The following DLGAP1 variants were observed in gnomAD, a reference collection of about 807,000 sequenced individuals.
DLGAP1 encodes the protein disks large-associated protein 1.
A neutral mutation model predicts 90.8 loss-of-function variants in DLGAP1; 11 were observed. That is an observed-to-expected ratio of 0.12 (90% CI 0.08 to 0.20). The LOEUF (loss-of-function observed/expected upper bound fraction) is 0.20, where lower values mean the gene tolerates loss of function less well. DLGAP1 is among the 10% of genes least tolerant of loss of function. The pLI, the probability that DLGAP1 is intolerant of heterozygous loss-of-function variation, is 1.00. For synonymous variants in DLGAP1, 558 were observed against 540.7 expected (o/e 1.03, Z -0.44); for missense variants, 1,050 against 1,333.8 (o/e 0.79, Z 3.31).
chr18:3,820,377 T>G (rs2067342640), intron 4 of DLGAP1, among the ~76,000 whole-genome samples: 1 of 152,140 alleles, frequency 6.6e-6, no homozygotes, highest in Admixed American at 6.5e-5. Context: ...TAAAGCAAAG[T>G]TCTATTTCAT....
At chr18:4,151,025 A>G (rs555851558) in intron 2 of DLGAP1, among the ~76,000 whole-genome samples, 155 bp downstream of exon 2, 2 of 152,354 alleles carry the variant, frequency 1.3e-5, no homozygotes, top group Admixed American at 1.3e-4. Flanking sequence ...TAAATTCAAC[A>G]GACTGTTAAT....
intron 1 of DLGAP1, among the ~76,000 whole-genome samples, chr18:4,194,999 C>T (rs2077470197): frequency 6.6e-6 from 1 of 152,080 alleles, no homozygotes; most frequent in South Asian, 2.1e-4. Flanking sequence ...TATGGTCACC[C>T]TGATGTGAAA....
intron 5 of DLGAP1, among the ~76,000 whole-genome samples, chr18:3,791,899 G>A (rs751882641): frequency 4.6e-5 from 7 of 152,060 alleles, no homozygotes; most frequent in Admixed American, 1.3e-4. Context: ...GCAACAGAGC[G>A]AGATTCTGCA....
At chr18:4,136,928 T>G (rs1024434442) in intron 2 of DLGAP1, among the ~76,000 whole-genome samples, 1 of 152,132 alleles carries the variant, frequency 6.6e-6, no homozygotes, top group Admixed American at 6.6e-5. Context: ...ACTTTAAGTT[T>G]TAGGGTACAT....
chr18:4,280,711 C>T (rs2079528923), intron 1 of DLGAP1: 1 of 152,094 alleles, frequency 6.6e-6, no homozygotes, highest in African/African-American at 2.4e-5. Flanking sequence ...TGATGATTTC[C>T]CTTTTGGTTC....
chr18:3,959,594 G>C (rs1315172158), intron 3 of DLGAP1, among the ~76,000 whole-genome samples: 1 of 151,982 alleles, frequency 6.6e-6, no homozygotes, highest in African/African-American at 2.4e-5. Flanking sequence ...AACCCGGGAG[G>C]TGGAGGTTGC....
chr18:4,127,616 A>G (rs2076250678), intron 2 of DLGAP1, among the ~76,000 whole-genome samples: 2 of 152,218 alleles, frequency 1.3e-5, no homozygotes, highest in Admixed American at 1.3e-4. Flanking sequence ...AAAATAAAAT[A>G]TATTATCTGA....
Position 3,526,059 on chromosome 18 carries a change from G to A in DLGAP1, c.2479+8135C>T, listed in dbSNP as rs781626040. Among the ~76,000 whole-genome samples, 18 of 152,122 alleles carry A rather than the reference G, an allele frequency of 1.2e-4. No individual in the cohort carries two copies. The highest frequency in any genetic ancestry group is 1.8e-4 in the Non-Finnish European group (12 of 68,018). On this transcript the variant is annotated intron_variant, in intron 10 of 12. Coordinates refer to ENST00000315677, the MANE Select transcript of DLGAP1 (RefSeq NM_004746.4). This position sits in a 1 kb window ranked among gnomAD's most constrained non-coding sequence, Gnocchi z 4.7. ...TTTTCATTACTGCCACTTCCTCTGCGGTCACTAATTTCAGGTTGTCTGGAG... is the reference window on the plus strand; with the variant it reads ...TTTTCATTACTGCCACTTCCTCTGCAGTCACTAATTTCAGGTTGTCTGGAG...
chr18:4,175,598 C>T lies in DLGAP1; in HGVS notation c.-266-24311G>A, dbSNP rs534356111. ...CCATCTTGAGTTAATTTTTGTATAA[C>T]GTGTAAGGAAGGGGTCCAGTTTCAG... is the stretch of plus-strand genomic sequence containing the variant. On this transcript the variant is annotated intron_variant, in intron 1 of 12. Coordinates refer to ENST00000315677, the MANE Select transcript of DLGAP1 (RefSeq NM_004746.4). Among the ~76,000 whole-genome samples the T allele has an allele frequency of 5.9e-4, 90 of 151,944 alleles. 2 individuals are homozygous for T. The highest frequency in any genetic ancestry group is 2.0e-3 in the African/African-American group (81 of 41,448).
intron 9 of DLGAP1, among the ~76,000 whole-genome samples, chr18:3,555,901 A>G (rs1158981923): frequency 6.6e-6 from 1 of 152,206 alleles, no homozygotes; most frequent in Admixed American, 6.5e-5. Context: ...AAAGTAAAGG[A>G]GACGACTTTC....
At chr18:4,433,489 T>C (rs970612852) in intron 1 of DLGAP1, among the ~76,000 whole-genome samples, 2 of 152,210 alleles carry the variant, frequency 1.3e-5, no homozygotes, top group Admixed American at 1.3e-4. Flanking sequence ...AGGGAGTGTG[T>C]CCATACACTG....
chr18:4,268,859 T>C (rs1434131422), intron 1 of DLGAP1, among the ~76,000 whole-genome samples: 1 of 152,150 alleles, frequency 6.6e-6, no homozygotes, highest in South Asian at 2.1e-4. Context: ...CCAGTACCAA[T>C]TTTAAGAAAT....
At chr18:4,178,632 TCA>T (rs2077158131) in intron 1 of DLGAP1, among the ~76,000 whole-genome samples, 1 of 152,130 alleles carries the variant, frequency 6.6e-6, no homozygotes, top group Non-Finnish European at 1.5e-5. Context: ...CCAATGACAC[TCA>T]CTAGAGTTTA....
intron 2 of DLGAP1, among the ~76,000 whole-genome samples, chr18:4,101,458 C>A (rs1041765410): frequency 6.6e-6 from 1 of 152,184 alleles, no homozygotes; most frequent in East Asian, 1.9e-4. Flanking sequence ...ATAACATACT[C>A]ATGAAAAAGT....
chr18:3,529,733 G>A (rs2051869465), intron 10 of DLGAP1, among the ~76,000 whole-genome samples: 2 of 152,166 alleles, frequency 1.3e-5, no homozygotes, highest in Non-Finnish European at 1.5e-5. Context: ...CATTACAGGA[G>A]CACCAGGGCG....
intron 2 of DLGAP1, among the ~76,000 whole-genome samples, chr18:4,122,245 A>G (rs2076164223): frequency 6.6e-6 from 1 of 152,228 alleles, no homozygotes; most frequent in African/African-American, 2.4e-5. Context: ...AGGAGGGGTT[A>G]TAGGAGGGGA....
intron 3 of DLGAP1, among the ~76,000 whole-genome samples, chr18:3,981,214 G>GT (rs1380176863): frequency 1.3e-5 from 2 of 152,242 alleles, no homozygotes; most frequent in African/African-American, 4.8e-5. Context: ...AGAACACTCA[G>GT]TTTTCCTCTG....
chr18:4,273,601 C>T (rs900175388), intron 1 of DLGAP1, among the ~76,000 whole-genome samples: 1 of 152,138 alleles, frequency 6.6e-6, no homozygotes, highest in Admixed American at 6.5e-5. Flanking sequence ...CGCCAAAATG[C>T]CTGGCTAATT....
intron 1 of DLGAP1, among the ~76,000 whole-genome samples, chr18:4,306,930 CTTTTG>C (rs140194709): frequency 0.1 from 15,355 of 152,100 alleles, 893 homozygotes; most frequent in Middle Eastern, 0.21. Flanking sequence ...AATCAATGAG[CTTTTG>C]TTTTGTTTGT....
Sources: gnomAD v4.1 joint callset for allele counts (sites outside exome capture counted in the v4.1 genomes callset) on GRCh38, gnomAD v4.1.1 for gene constraint, Gnocchi (gnomAD v3.1) non-coding constraint, MANE v1.5 for transcripts, NCBI Gene and HGNC (gene_info 2026-07-23, HGNC 2026-07-21) for gene names.